Variants in PCNX2 observed in about 807,000 individuals in gnomAD.
PCNX2 encodes pecanex 2.
PCNX2 carries 168 observed loss-of-function variants against 223.8 expected under a neutral mutation model. That is an observed-to-expected ratio of 0.75 (90% CI 0.66 to 0.85). PCNX2 has a LOEUF of 0.85. Ranked by LOEUF, PCNX2 falls within the 40% of genes least tolerant of loss-of-function variation. The probability of loss-of-function intolerance (pLI) is 0.00; values close to 1 mark genes in which losing one functional copy is unlikely to be tolerated. For synonymous variants in PCNX2, 1,006 were observed against 1,052.6 expected (o/e 0.96, Z 0.86); for missense variants, 2,507 against 2,675.5 (o/e 0.94, Z 1.39).
At chr1:233,325,924 A>G in the PCNX2 span, among the ~76,000 whole-genome samples, 1 of 152,184 alleles carries the variant, frequency 6.6e-6, no homozygotes, top group Admixed American at 6.5e-5. Flanking sequence ...CTTTCGTGAA[A>G]GGTAAAGTCA....
chr1:233,128,092 C>T (rs967881972), intron 21 of PCNX2, among the ~76,000 whole-genome samples: 3 of 152,196 alleles, frequency 2.0e-5, no homozygotes, highest in African/African-American at 4.8e-5. Flanking sequence ...CCACACATCA[C>T]GGTTCTGGTG....
chr1:233,261,926 A>G, intron 3 of PCNX2, 119 bp downstream of exon 3: 1 of 1,448,972 alleles, frequency 6.9e-7, no homozygotes, highest in Non-Finnish European at 9.6e-7. Flanking sequence ...ATTCCACTGT[A>G]CACGGGCCAG....
At position 233,100,171 on chromosome 1, in the gene PCNX2, G is replaced by C. The variant is rs144972282; in HGVS notation, c.3838-4308C>G. 3.8e-3 allele frequency among the ~76,000 whole-genome samples: 574 copies of C among 152,242 alleles called. 5 individuals carry two copies. Among genetic ancestry groups the C allele is most frequent in the African/African-American group, 0.013 (538 of 41,546 alleles). On this transcript the variant is annotated intron_variant, in intron 21 of 33. Coordinates refer to ENST00000258229, the MANE Select transcript of PCNX2 (RefSeq NM_014801.4). ...CTCACGCCTGTAATCCCAGCACTTTGGGAGGCCATGGCAGGCAGATCACCA... is the reference window on the plus strand; with the variant it reads ...CTCACGCCTGTAATCCCAGCACTTTCGGAGGCCATGGCAGGCAGATCACCA...
chr1:233,218,209 C>CAA (rs34818026), intron 10 of PCNX2, 25 bp from the exon 11 acceptor site: 6,857 of 272,220 alleles, frequency 0.025, 265 homozygotes, highest in Non-Finnish European at 0.028. Context: ...TACATAAAAG[C>CAA]AAAAAAAAAA....
At chr1:233,041,797 A>C (rs763839405) in intron 25 of PCNX2, among the ~76,000 whole-genome samples, 1 of 152,194 alleles carries the variant, frequency 6.6e-6, no homozygotes, top group Non-Finnish European at 1.5e-5. Context: ...ATGTGTGAAT[A>C]ATTATAAGAA....
At chr1:233,063,638 C>T (rs540502055) in intron 23 of PCNX2, among the ~76,000 whole-genome samples, 1 of 152,142 alleles carries the variant, frequency 6.6e-6, no homozygotes, top group African/African-American at 2.4e-5. Context: ...TTATTATGGT[C>T]ATGACTTAGA....
chr1:233,200,035 C>T, intron 14 of PCNX2, 119 bp downstream of exon 14: 1 of 798,400 alleles, frequency 1.3e-6, no homozygotes, highest in Non-Finnish European at 1.9e-6. Context: ...AAACTGAAGT[C>T]ATTTAAATGC....
intron 24 of PCNX2, 200 bp from the exon 25 acceptor site, chr1:233,054,683 A>G: frequency 1.9e-6 from 1 of 537,920 alleles, no homozygotes; most frequent in African/African-American, 1.9e-5. Context: ...TCTCTGTGTA[A>G]TTTATAGGCC....
At chr1:233,142,865 C>T (rs1677211317) in intron 19 of PCNX2, among the ~76,000 whole-genome samples, 1 of 152,106 alleles carries the variant, frequency 6.6e-6, no homozygotes. Flanking sequence ...CCACCATCCC[C>T]AGCTTGTGCT....
chr1:233,297,096 A>C (rs1662164467), upstream of PCNX2, among the ~76,000 whole-genome samples: 1 of 152,238 alleles, frequency 6.6e-6, no homozygotes, highest in Admixed American at 6.5e-5. Flanking sequence ...TCTGCTCAAA[A>C]TGCTTGTAAC....
At chr1:232,984,844 A>G (rs1669410720) in intron 33 of PCNX2, 1 of 178,548 alleles carries the variant, frequency 5.6e-6, no homozygotes, top group South Asian at 1.5e-4. Context: ...GCTTGACCCC[A>G]GTAGAACACA....
At chr1:233,109,169 C>T (rs551798313) in intron 21 of PCNX2, among the ~76,000 whole-genome samples, 3 of 152,200 alleles carry the variant, frequency 2.0e-5, no homozygotes, top group Non-Finnish European at 2.9e-5. Context: ...CTCCTCCCCC[C>T]ATATCAGAAG....
intron 25 of PCNX2, among the ~76,000 whole-genome samples, chr1:233,046,134 T>C (rs1348620279): frequency 6.6e-6 from 1 of 152,238 alleles, no homozygotes; most frequent in Non-Finnish European, 1.5e-5. Context: ...GTATTTCTCA[T>C]TTTCTGAGAA....
intron 7 of PCNX2, among the ~76,000 whole-genome samples, chr1:233,252,147 A>C (rs1017959033): frequency 1.3e-5 from 2 of 152,254 alleles, no homozygotes; most frequent in African/African-American, 4.8e-5. Context: ...ATCTGAAAAA[A>C]TCAATAGCAC....
chr1:233,271,307 T>C (rs1015675342), intron 1 of PCNX2, among the ~76,000 whole-genome samples: 22 of 152,186 alleles, frequency 1.4e-4, no homozygotes, highest in African/African-American at 5.3e-4. Flanking sequence ...CCATACATGA[T>C]CAACACCATA....
intron 9 of PCNX2, among the ~76,000 whole-genome samples, chr1:233,232,421 T>TC (rs1658120249): frequency 6.6e-6 from 1 of 152,226 alleles, no homozygotes; most frequent in African/African-American, 2.4e-5. Flanking sequence ...ATGTATTAAA[T>TC]GCATTTTCAA....
At position 233,254,702 on chromosome 1, in the gene PCNX2, C is replaced by CTT. The variant is rs565430023; in HGVS notation, c.1835-1916_1835-1915dup. Among the ~76,000 whole-genome samples, 22 of 141,944 alleles carry CTT rather than the reference C, an allele frequency of 1.5e-4. No homozygotes were observed. The East Asian group carries it at 3.5e-3, about 22-fold the overall frequency. 93.1% of individuals were successfully genotyped at this position (141,944 alleles called of 152,430 possible). ...AGTCTCTTTTTCCTAGATATACGCA[C>CTT]TTTTTTTTTTTTTTACAAAAATGAA... On this transcript the variant is annotated intron_variant, in intron 5 of 33. Transcript: ENST00000258229.
intron 17 of PCNX2, among the ~76,000 whole-genome samples, chr1:233,174,130 ATAT>A (rs1243680293): frequency 6.9e-6 from 1 of 145,870 alleles, no homozygotes; most frequent in East Asian, 2.0e-4. Context: ...AATAAATTAT[ATAT>A]TATATGTAAT....
intron 15 of PCNX2, among the ~76,000 whole-genome samples, chr1:233,185,084 AACACACAC>A (rs60719299): frequency 0.21 from 29,448 of 141,642 alleles, 3,186 homozygotes; most frequent in East Asian, 0.26. Context: ...TACATACATA[AACACACAC>A]ACACACACAC....
Sources: allele counts gnomAD v4.1 joint callset (sites outside exome capture counted in the v4.1 genomes callset), GRCh38; gene constraint gnomAD v4.1.1; transcripts MANE v1.5; gene names NCBI Gene and HGNC (gene_info 2026-07-23, HGNC 2026-07-21).